Variants in ITGA9 observed in about 807,000 individuals in gnomAD.
ITGA9 encodes integrin alpha-9.
Under a neutral mutation model 127.8 loss-of-function variants are expected in ITGA9, and 56 were observed. That is an observed-to-expected ratio of 0.44 (90% CI 0.35 to 0.55). The LOEUF (loss-of-function observed/expected upper bound fraction) is 0.55. ITGA9 is among the 20% of genes least tolerant of loss of function. The pLI is 0.00. For missense variants in ITGA9, 1,196 were observed against 1,347.1 expected (o/e 0.89, Z 1.76); for synonymous variants, 508 against 514.5 (o/e 0.99, Z 0.17).
chr3:37,452,479 G>T lies in ITGA9; in HGVS notation c.105G>T (p.Gln35His). 1 of 1,510,058 alleles carries T rather than the reference G, an allele frequency of 6.6e-7. No homozygotes were observed. The allele number at this position is 1,510,058 out of a possible 1,614,324, so 93.5% of individuals were successfully genotyped here. ...IPAGAYNLDP[Q>H]RPVHFQGPAD... Reference sequence around the variant, plus strand: ...CGGGCGCCTACAACCTCGACCCGCAGCGCCCCGTGCACTTCCAGGGCCCCG... The same window carrying T: ...CGGGCGCCTACAACCTCGACCCGCATCGCCCCGTGCACTTCCAGGGCCCCG... Residue 35 changes from glutamine (Q) to histidine (H), a missense_variant, in exon 1 of 28, where the codon CAG (glutamine) becomes CAT (histidine). Gln to His is a conservative substitution (Grantham distance 24, BLOSUM62 0). Transcript: ENST00000264741. This position sits in a 1 kb window ranked among gnomAD's most constrained non-coding sequence, Gnocchi z 7.3.
chr3:37,699,594 C>T (rs1396951771), intron 18 of ITGA9, among the ~76,000 whole-genome samples: 2 of 152,180 alleles, frequency 1.3e-5, no homozygotes, highest in East Asian at 1.9e-4. Flanking sequence ...CGTGCTTCCA[C>T]CTTTACCTCT....
At chr3:37,637,659 AT>A (rs1483585704) in intron 16 of ITGA9, among the ~76,000 whole-genome samples, 2 of 150,832 alleles carry the variant, frequency 1.3e-5, no homozygotes, top group African/African-American at 2.4e-5. Context: ...CCAGCAAACT[AT>A]GTTTTTGTTT....
At position 37,732,762 on chromosome 3, in the gene ITGA9, C is replaced by T. The variant is rs1374659714; in HGVS notation, c.2118C>T (p.Cys706=). The T allele has an allele frequency of 3.1e-6, 5 of 1,611,594 alleles. No homozygotes were observed. Among genetic ancestry groups the T allele is most frequent in the Non-Finnish European group, 4.2e-6 (5 of 1,179,366 alleles). The change falls in exon 19 of 28, where the codon TGC becomes TGT. Residue 706 remains cysteine, a synonymous_variant. Coordinates refer to ENST00000264741, the MANE Select transcript of ITGA9 (RefSeq NM_002207.3). ...TGCTGGAATCGGACTTCCTCAAATG[C>T]AGCGTGGGATTTCCTTTCATGAGGT... ...CELLESDFLK[C]SVGFPFMRSK...
chr3:37,648,377 A>G (rs1195318380), intron 16 of ITGA9, among the ~76,000 whole-genome samples: 13 of 152,182 alleles, frequency 8.5e-5, no homozygotes, highest in Admixed American at 8.5e-4. Flanking sequence ...TAATCACAAC[A>G]CTTTGGGAGG....
At chr3:37,809,088 CTTTT>C (rs1208683122) in intron 27 of ITGA9, among the ~76,000 whole-genome samples, 7 of 133,452 alleles carry the variant, frequency 5.2e-5, no homozygotes, top group Non-Finnish European at 3.2e-5. Flanking sequence ...AAAATCTTTT[CTTTT>C]TTTTTTTTTT....
chr3:37,517,639 C>T, intron 10 of ITGA9, 30 bp downstream of exon 10: 1 of 1,461,124 alleles, frequency 6.8e-7, no homozygotes, highest in Non-Finnish European at 9.4e-7. Flanking sequence ...GCACGGAGCC[C>T]CTCCAGGTGC....
intron 15 of ITGA9, among the ~76,000 whole-genome samples, chr3:37,584,766 A>T (rs1249736919): frequency 6.6e-6 from 1 of 151,940 alleles, no homozygotes; most frequent in Non-Finnish European, 1.5e-5. Flanking sequence ...AATAATAATA[A>T]TATTATTATT....
At chr3:37,741,289 C>T (rs1696429867) in intron 20 of ITGA9, among the ~76,000 whole-genome samples, 1 of 151,492 alleles carries the variant, frequency 6.6e-6, no homozygotes, top group Admixed American at 6.6e-5. Flanking sequence ...CACCCCCACC[C>T]CCAGCAGCAG....
At chr3:37,788,428 C>T (rs1697066965) in intron 26 of ITGA9, among the ~76,000 whole-genome samples, 2 of 151,896 alleles carry the variant, frequency 1.3e-5, no homozygotes, top group South Asian at 2.1e-4. Flanking sequence ...AAAAATAATT[C>T]GTATTTGCTT....
chr3:37,512,116 CCTTCTTTCTTTTCT>C (rs1698928167), intron 8 of ITGA9, among the ~76,000 whole-genome samples: 8 of 66,322 alleles, frequency 1.2e-4, no homozygotes, highest in Admixed American at 3.5e-4. Flanking sequence ...TTCCTTCCTT[CCTTCTTTCTTTTCT>C]TTTCTTTTCT....
At chr3:37,773,799 T>G (rs1696872648) in intron 23 of ITGA9, among the ~76,000 whole-genome samples, 1 of 152,150 alleles carries the variant, frequency 6.6e-6, no homozygotes, top group Admixed American at 6.5e-5. Flanking sequence ...GCCTGTAAAT[T>G]TACCTCAATA....
intron 16 of ITGA9, among the ~76,000 whole-genome samples, chr3:37,638,909 A>G (rs1700306299): frequency 6.6e-6 from 1 of 152,238 alleles, no homozygotes; most frequent in South Asian, 2.1e-4. Flanking sequence ...TGTGCAGGAC[A>G]GGCAGGAGAC....
At position 37,629,101 on chromosome 3, in the gene ITGA9, T is replaced by C; in HGVS notation, c.1690-86T>C. The C allele has an allele frequency of 6.8e-7, 1 of 1,474,802 alleles. No homozygotes were observed. Among genetic ancestry groups the C allele is most frequent in the Non-Finnish European group, 9.5e-7 (1 of 1,055,578 alleles). 91.4% of individuals were successfully genotyped at this position (1,474,802 alleles called of 1,614,324 possible). ...TGTGAGGATTATATGAGGCAATTCA[T>C]GTAGAAGGTCTTTGTAAACTGTGAA... On this transcript the variant is annotated intron_variant, in intron 15 of 27. Transcript: ENST00000264741. The surrounding 1 kb of genome is among the most constrained non-coding windows in gnomAD (Gnocchi z 4.5).
chr3:37,688,274 T>C (rs548056197), intron 18 of ITGA9, among the ~76,000 whole-genome samples: 11 of 152,296 alleles, frequency 7.2e-5, no homozygotes, highest in African/African-American at 2.6e-4. Context: ...CCATGAGAGC[T>C]TCCTGAAAAG....
At chr3:37,640,761 G>T (rs1700324616) in intron 16 of ITGA9, among the ~76,000 whole-genome samples, 1 of 152,252 alleles carries the variant, frequency 6.6e-6, no homozygotes, top group African/African-American at 2.4e-5. Flanking sequence ...CACAGGCTGT[G>T]CAGTGAGATC....
chr3:37,630,850 G>A (rs1043438365), intron 16 of ITGA9, among the ~76,000 whole-genome samples: 4 of 152,162 alleles, frequency 2.6e-5, no homozygotes, highest in Non-Finnish European at 5.9e-5. Context: ...GGGAGGACAC[G>A]TGGTGTCTAA....
chr3:37,719,210 G>A (rs1482214950), intron 18 of ITGA9, among the ~76,000 whole-genome samples: 3 of 152,146 alleles, frequency 2.0e-5, no homozygotes, highest in Non-Finnish European at 4.4e-5. Context: ...CAAAGAGAAA[G>A]GGAGGAAGGA....
chr3:37,473,724 T>TTGTGTG (rs74279281), intron 3 of ITGA9, among the ~76,000 whole-genome samples: 1 of 152,054 alleles, frequency 6.6e-6, no homozygotes, highest in Non-Finnish European at 1.5e-5. Flanking sequence ...ACATAGGTAT[T>TTGTGTG]TGTGTGTGTG....
At position 37,473,360 on chromosome 3, in the gene ITGA9, A is replaced by T; in HGVS notation, c.320A>T (p.Asn107Ile). The change falls in exon 3 of 28, where the codon AAT becomes ATT. Residue 107 changes from asparagine (N) to isoleucine (I), a missense_variant. Asn to Ile is a moderately radical substitution (Grantham distance 149). Coordinates refer to ENST00000264741, the MANE Select transcript of ITGA9 (RefSeq NM_002207.3). ...TCTTCTCCTCTTTCTCCAGGGAAGA[A>T]TCGGGGCACGTCCTGCGGAAAGACC... Reference protein sequence around the residue: ...CTELDMARGKNRGTSCGKTCR... With the variant: ...CTELDMARGKIRGTSCGKTCR... 1 of 1,613,898 alleles carries T rather than the reference A, an allele frequency of 6.2e-7. No homozygotes were observed. The highest frequency in any genetic ancestry group is 8.5e-7 in the Non-Finnish European group (1 of 1,179,860).
Sources: allele counts gnomAD v4.1 joint callset (sites outside exome capture counted in the v4.1 genomes callset), GRCh38; gene constraint gnomAD v4.1.1; non-coding constraint Gnocchi (gnomAD v3.1); transcripts MANE v1.5; gene names NCBI Gene and HGNC (gene_info 2026-07-23, HGNC 2026-07-21).